The following DPP6 variants were observed in gnomAD, a reference collection of about 807,000 sequenced individuals.
DPP6 encodes the protein dipeptidyl peptidase like 6.
A neutral mutation model predicts 122.6 loss-of-function variants in DPP6; 69 were observed. That is an observed-to-expected ratio of 0.56 (90% confidence interval 0.46 to 0.69). The LOEUF (loss-of-function observed/expected upper bound fraction) is 0.69, where lower values mean the gene tolerates loss of function less well. DPP6 is among the 30% of genes least tolerant of loss of function. The pLI, the probability that DPP6 is intolerant of heterozygous loss-of-function variation, is 0.00. For missense variants in DPP6, 928 were observed against 1,116.9 expected (o/e 0.83, Z 2.41); for synonymous variants, 418 against 433.1 (o/e 0.97, Z 0.43).
intron 6 of DPP6, among the ~76,000 whole-genome samples, chr7:154,649,046 A>T (rs1168259975): frequency 1.3e-5 from 2 of 152,106 alleles, no homozygotes; most frequent in African/African-American, 4.8e-5. Flanking sequence ...AGCATCCTCC[A>T]TACCCCTCCA....
chr7:154,204,444 A>G (rs1799328639), intron 1 of DPP6, among the ~76,000 whole-genome samples: 2 of 152,168 alleles, frequency 1.3e-5, no homozygotes, highest in African/African-American at 4.8e-5. Flanking sequence ...GAAGCCATTC[A>G]CCCTTGTGTA....
At chr7:154,464,694 C>G (rs914248741) in intron 2 of DPP6, among the ~76,000 whole-genome samples, 8 of 152,184 alleles carry the variant, frequency 5.3e-5, no homozygotes, top group African/African-American at 1.4e-4. Context: ...TACAATTGGT[C>G]TATTGATATT....
intron 20 of DPP6, among the ~76,000 whole-genome samples, chr7:154,879,921 G>A (rs3807292): frequency 2.0e-5 from 3 of 152,074 alleles, no homozygotes; most frequent in African/African-American, 4.8e-5. Flanking sequence ...CACAGCGCAC[G>A]CCAGGAAATC....
At position 154,538,761 on chromosome 7, in the gene DPP6, CAG is replaced by C. The variant is rs561791111; in HGVS notation, c.458-1768_458-1767del. ...AAGGGCAACTTCACTGAAATGATTG[CAG>C]AGTCTTCCATGTGAGTTCTTTTAAT... On this transcript the variant is annotated intron_variant, in intron 3 of 25. Transcript: ENST00000377770. Among the ~76,000 whole-genome samples the C allele has an allele frequency of 2.9e-3, 442 of 152,272 alleles. 2 individuals are homozygous for C. Among genetic ancestry groups the C allele is most frequent in the Non-Finnish European group, 5.1e-3 (345 of 68,024 alleles).
At chr7:154,013,523 C>A (rs1482194941) in intron 1 of DPP6, among the ~76,000 whole-genome samples, 3 of 148,288 alleles carry the variant, frequency 2.0e-5, no homozygotes, top group Non-Finnish European at 3.0e-5. Flanking sequence ...CAACATACAA[C>A]CAAATATAGT....
chr7:154,540,309 C>T (rs980686119), intron 3 of DPP6, among the ~76,000 whole-genome samples: 2 of 152,060 alleles, frequency 1.3e-5, no homozygotes, highest in Non-Finnish European at 2.9e-5. Flanking sequence ...TCGGTGTGTG[C>T]GCCTGTGCTT....
chr7:153,877,882 C>T, the DPP6 span, among the ~76,000 whole-genome samples: 6 of 138,966 alleles, frequency 4.3e-5, no homozygotes, highest in East Asian at 1.3e-3. Context: ...GGACTCATAT[C>T]CTGGATATAT....
chr7:153,928,377 A>G (rs1801005042), intron 1 of DPP6, among the ~76,000 whole-genome samples: 1 of 90,336 alleles, frequency 1.1e-5, no homozygotes, highest in Admixed American at 1.2e-4. Flanking sequence ...ATACCTGGCT[A>G]ATTTTTTTCT....
chr7:154,231,619 C>T (rs1002880486), intron 1 of DPP6, among the ~76,000 whole-genome samples: 4 of 152,094 alleles, frequency 2.6e-5, no homozygotes, highest in Admixed American at 6.5e-5. Flanking sequence ...ACTGGGAACC[C>T]AGAAGCCAGC....
intron 1 of DPP6, among the ~76,000 whole-genome samples, chr7:154,441,242 G>C (rs1423337380): frequency 6.6e-6 from 1 of 152,162 alleles, no homozygotes; most frequent in Non-Finnish European, 1.5e-5. Flanking sequence ...AGTGGAATGT[G>C]ACCACTCTAG....
Position 154,129,724 on chromosome 7 carries a change from C to A in DPP6, c.243+76661C>A, listed in dbSNP as rs138851324. Among the ~76,000 whole-genome samples, 511 of 152,104 alleles carry A rather than the reference C, an allele frequency of 3.4e-3. 4 individuals are homozygous for A. Among genetic ancestry groups the A allele is most frequent in the African/African-American group, 0.012 (494 of 41,488 alleles). ...ACCATCCTGGCTAACACAGTGAAAC[C>A]CTGTCTCTGCTAAAAAGACAAAACA... On this transcript the variant is annotated intron_variant, in intron 1 of 25. Coordinates refer to ENST00000377770, the MANE Select transcript of DPP6 (RefSeq NM_130797.4).
intron 1 of DPP6, among the ~76,000 whole-genome samples, chr7:153,902,597 G>A (rs989574065): frequency 6.6e-6 from 1 of 152,170 alleles, no homozygotes; most frequent in African/African-American, 2.4e-5. Context: ...CACTTTGGGA[G>A]GCTGAGGCGG....
intron 1 of DPP6, among the ~76,000 whole-genome samples, chr7:154,429,536 C>G (rs948285938): frequency 3.3e-4 from 50 of 152,234 alleles, no homozygotes; most frequent in Non-Finnish European, 5.3e-4. Context: ...TAAAATAACC[C>G]TCTTGGGTAA....
intron 1 of DPP6, among the ~76,000 whole-genome samples, chr7:154,366,268 A>C (rs1035050422): frequency 6.6e-6 from 1 of 152,202 alleles, no homozygotes; most frequent in Non-Finnish European, 1.5e-5. Flanking sequence ...GGCCAGCTTG[A>C]CTAGCTGGTA....
chr7:154,405,130 A>G (rs566240381), intron 1 of DPP6, among the ~76,000 whole-genome samples: 20 of 152,300 alleles, frequency 1.3e-4, no homozygotes, highest in Non-Finnish European at 8.8e-5. Context: ...CACCAACCCT[A>G]TAAAGTAAGA....
intron 1 of DPP6, among the ~76,000 whole-genome samples, chr7:154,224,429 G>C (rs1391408905): frequency 1.3e-5 from 2 of 149,158 alleles, no homozygotes; most frequent in Non-Finnish European, 2.9e-5. Context: ...TGACTGCTAA[G>C]TTCTGTGCTC....
intron 1 of DPP6, among the ~76,000 whole-genome samples, chr7:154,284,680 C>A (rs1804738284): frequency 1.3e-5 from 2 of 152,112 alleles, no homozygotes; most frequent in African/African-American, 4.8e-5. Context: ...GATGGTGAAA[C>A]CCTGTCTCTA....
the DPP6 span, among the ~76,000 whole-genome samples, chr7:153,847,247 C>A: frequency 6.6e-6 from 1 of 152,092 alleles, no homozygotes; most frequent in Non-Finnish European, 1.5e-5. Flanking sequence ...GGCAGAGCAG[C>A]CTAGTTTATT....
At chr7:154,287,534 A>C (rs541672225) in intron 1 of DPP6, among the ~76,000 whole-genome samples, 2 of 152,162 alleles carry the variant, frequency 1.3e-5, no homozygotes, top group Non-Finnish European at 2.9e-5. Context: ...ATTGCCATCT[A>C]TTCTCCAAGA....
Sources: gnomAD v4.1 joint callset for allele counts (sites outside exome capture counted in the v4.1 genomes callset) on GRCh38, gnomAD v4.1.1 for gene constraint, MANE v1.5 for transcripts, NCBI Gene and HGNC (gene_info 2026-07-23, HGNC 2026-07-21) for gene names.